The following DAB2 variants were observed in gnomAD, a reference collection of about 807,000 sequenced individuals.
The protein encoded by DAB2 is disabled homolog 2.
DAB2 carries 28 observed loss-of-function variants against 71.6 expected under a neutral mutation model. That is an observed-to-expected ratio of 0.39 (90% CI 0.29 to 0.54). The LOEUF is 0.54. Ranked by LOEUF, DAB2 falls within the 20% of genes least tolerant of loss-of-function variation. The probability of loss-of-function intolerance (pLI) is 0.68; values close to 1 mark genes in which losing one functional copy is unlikely to be tolerated. For missense variants in DAB2, 867 were observed against 928.8 expected (o/e 0.93, Z 0.86); for synonymous variants, 345 against 339.7 (o/e 1.02, Z -0.17).
At chr5:39,423,119 G>T (rs1721738858) in intron 1 of DAB2, among the ~76,000 whole-genome samples, 1 of 152,142 alleles carries the variant, frequency 6.6e-6, no homozygotes, top group South Asian at 2.1e-4. Flanking sequence ...AAAAATGACT[G>T]GTTTCTAGGT....
chr5:39,416,740 A>G (rs1755854329), intron 1 of DAB2, among the ~76,000 whole-genome samples: 1 of 152,016 alleles, frequency 6.6e-6, no homozygotes, highest in African/African-American at 2.4e-5. Context: ...ATGACCTATC[A>G]TTGCCCTCTG....
chr5:39,383,719 C>T (rs1561368119), intron 9 of DAB2, among the ~76,000 whole-genome samples: 1 of 152,206 alleles, frequency 6.6e-6, no homozygotes, highest in Non-Finnish European at 1.5e-5. Flanking sequence ...TACCTATACA[C>T]ATACAGTCCT....
intron 5 of DAB2, 99 bp downstream of exon 5, chr5:39,390,345 A>G (rs1482873887): frequency 7.8e-6 from 11 of 1,402,016 alleles, no homozygotes; most frequent in Non-Finnish European, 9.7e-6. Flanking sequence ...TAGCCCTCTT[A>G]CATCCAATTA....
chr5:39,377,463 T>G (rs1754861288), intron 11 of DAB2, among the ~76,000 whole-genome samples, 181 bp from the exon 12 acceptor site: 1 of 152,166 alleles, frequency 6.6e-6, no homozygotes, highest in Admixed American at 6.5e-5. Context: ...TAACACTGTA[T>G]AGTGAGCATT....
At chr5:39,393,422 G>T in intron 2 of DAB2, 29 bp from the exon 3 acceptor site, 1 of 1,612,012 alleles carries the variant, frequency 6.2e-7, no homozygotes, top group Non-Finnish European at 8.5e-7. Flanking sequence ...ACAGGATGAA[G>T]AATGCTAGTT....
chr5:39,395,954 T>TTTTTTTTTTTTTG (rs1755358747), intron 1 of DAB2, among the ~76,000 whole-genome samples: 1 of 133,504 alleles, frequency 7.5e-6, no homozygotes, highest in Non-Finnish European at 1.6e-5. Flanking sequence ...TTTTTTTTTT[T>TTTTTTTTTTTTTG]TTTTTTGAGA....
At chr5:39,410,655 T>C (rs1360321606) in intron 1 of DAB2, among the ~76,000 whole-genome samples, 1 of 152,172 alleles carries the variant, frequency 6.6e-6, no homozygotes, top group African/African-American at 2.4e-5. Flanking sequence ...ATTAGATCTA[T>C]GTGTGTATCT....
In DAB2 at chr5:39,382,811, T is replaced by A; in HGVS notation, c.1148A>T (p.Glu383Val). ...GACAGAGAAGCCGTTCTGTTCTCTTTCAGATACCCCATTTTGAGTTCTCAC... is the reference window on the plus strand; with the variant it reads ...GACAGAGAAGCCGTTCTGTTCTCTTACAGATACCCCATTTTGAGTTCTCAC... The part of the protein sequence containing the change: ...PAVRTQNGVS[E>V]REQNGFSVKS... Residue 383 changes from glutamate (E) to valine (V), a missense_variant, in exon 10 of 15, where the codon GAA becomes GTA. By Grantham distance (121) the Glu-to-Val change is moderately radical. Transcript: ENST00000320816. The A allele has an allele frequency of 3.1e-6, 5 of 1,614,154 alleles. No homozygotes were observed. The highest frequency in any genetic ancestry group is 3.4e-6 in the Non-Finnish European group (4 of 1,180,038).
rs746664703 is a variant in DAB2 at position 39,381,513 on chromosome 5, T to G, written c.1445A>C (p.Asn482Thr). 4 of 1,613,910 alleles carry G rather than the reference T, an allele frequency of 2.5e-6. No homozygotes were observed. In the East Asian group the frequency reaches 8.9e-5, roughly 36 times the overall value. ...ACTTGTTTTGAAGAGATCCAGAGGG[T>G]TGGGCTGCAGGGCTGTAGGTTGTCC... ...PTGQPTALQP[N>T]PLDLFKTSAP... Residue 482 changes from asparagine (N) to threonine (T), a missense_variant, in exon 11 of 15, where the codon AAC (asparagine) becomes ACC (threonine). Coordinates refer to ENST00000320816, the MANE Select transcript of DAB2 (RefSeq NM_001343.4).
Position 39,382,651 on chromosome 5 carries a change from A to G in DAB2, c.1308T>C (p.Ser436=), listed in dbSNP as rs750117483. 6.2e-7 allele frequency: 1 copy of G among 1,614,048 alleles called. No homozygotes were observed. The change falls in exon 10 of 15, where the codon AGT becomes AGC. Residue 436 remains serine (S), a synonymous_variant. Coordinates refer to ENST00000320816, the MANE Select transcript of DAB2 (RefSeq NM_001343.4). ...DSIAIIPPPQ[S]TKPGRGRRTA... ...TCCTTCTGCCTCTTCCTGGTTTGGT[A>G]CTTTGTGGAGGTGGGATAATGGCTA...
At chr5:39,420,635 T>C (rs868512597) in intron 1 of DAB2, among the ~76,000 whole-genome samples, 2 of 152,200 alleles carry the variant, frequency 1.3e-5, no homozygotes, top group Non-Finnish European at 2.9e-5. Context: ...TAGTAACTTT[T>C]AGGTTCCAGA....
Position 39,389,858 on chromosome 5 carries a change from C to G in DAB2, c.537G>C (p.Lys179Asn). The G allele has an allele frequency of 6.4e-7, 1 of 1,552,474 alleles. No individual in the cohort carries two copies. Among genetic ancestry groups the G allele is most frequent in the Non-Finnish European group, 8.8e-7 (1 of 1,134,634 alleles). ...IYNVKKKEEEKKKIEEASKAV... is the reference protein window; with the variant it reads ...IYNVKKKEEENKKIEEASKAV... ...TTAATCAGGTAGTACTTGCCTTTTT[C>G]TTTTCTTCTTCCTTTTTCTTTACAT... The change falls in exon 6 of 15, where the codon AAG (lysine) becomes AAC (asparagine). Residue 179 changes from lysine to asparagine, a missense_variant. Around this residue, in one of 2 missense-constraint regions of DAB2, gnomAD observed 740 missense variants for 734.3 expected, o/e 1.01. Coordinates refer to ENST00000320816, the MANE Select transcript of DAB2 (RefSeq NM_001343.4).
At chr5:39,420,638 G>T (rs1002203987) in intron 1 of DAB2, among the ~76,000 whole-genome samples, 2 of 152,136 alleles carry the variant, frequency 1.3e-5, no homozygotes, top group African/African-American at 4.8e-5. Context: ...TAACTTTTAG[G>T]TTCCAGAAAT....
intron 9 of DAB2, among the ~76,000 whole-genome samples, chr5:39,384,802 G>A (rs1466997147): frequency 6.6e-6 from 1 of 151,860 alleles, no homozygotes; most frequent in Non-Finnish European, 1.5e-5. Context: ...GCTACCCAGA[G>A]AAGAATATAA....
At position 39,382,680 on chromosome 5, in the gene DAB2, A is replaced by G; in HGVS notation, c.1279T>C (p.Ser427Pro). The change falls in exon 10 of 15, where the codon TCC becomes CCC. Residue 427 changes from serine (S) to proline (P), a missense_variant. Around this residue, in one of 2 missense-constraint regions of DAB2, gnomAD observed 740 missense variants for 734.3 expected, o/e 1.01. Coordinates refer to ENST00000320816, the MANE Select transcript of DAB2 (RefSeq NM_001343.4). The stretch of plus-strand genomic sequence containing the variant: ...TGTGGAGGTGGGATAATGGCTATGG[A>G]GTCATGTGGTGAGGACTGGACAGAG... ...ESSVQSSPHDSIAIIPPPQST... is the reference protein window; with the variant it reads ...ESSVQSSPHDPIAIIPPPQST... 1 of 1,614,094 alleles carries G rather than the reference A, an allele frequency of 6.2e-7. No homozygotes were observed. Among genetic ancestry groups the G allele is most frequent in the Non-Finnish European group, 8.5e-7 (1 of 1,180,000 alleles).
intron 1 of DAB2, among the ~76,000 whole-genome samples, chr5:39,415,981 A>G (rs1003944104): frequency 1.3e-5 from 2 of 152,156 alleles, no homozygotes; most frequent in Admixed American, 6.5e-5. Flanking sequence ...GTTCATGTTT[A>G]ATGAATGAGT....
chr5:39,422,118 A>G lies in DAB2; in HGVS notation c.-102+2686T>C, dbSNP rs150191073. Reference sequence around the variant, plus strand: ...CAAAAATCTGTTTCACCTAAATATGATTTTGGCCAACCTTTGTGCAATTCA... The same window carrying G: ...CAAAAATCTGTTTCACCTAAATATGGTTTTGGCCAACCTTTGTGCAATTCA... On this transcript the variant is annotated intron_variant, in intron 1 of 14. Transcript: ENST00000320816. This position sits in a 1 kb window ranked among gnomAD's most constrained non-coding sequence, Gnocchi z 4.1. Among the ~76,000 whole-genome samples, 393 of 152,202 alleles carry G rather than the reference A, an allele frequency of 2.6e-3. 1 individual carries two copies. Among genetic ancestry groups the G allele is most frequent in the African/African-American group, 8.9e-3 (369 of 41,516 alleles).
rs565968909 is a variant in DAB2, at chr5:39,372,792, A to G, written c.*639T>C. Reference sequence around the variant, plus strand: ...TGCAATAGCTAGCAAGAAATGGGAGAAAAGGACAATCTTGGCCTTGGGAGA... The same window carrying G: ...TGCAATAGCTAGCAAGAAATGGGAGGAAAGGACAATCTTGGCCTTGGGAGA... On this transcript the variant is annotated 3_prime_UTR_variant, in exon 15 of 15. Transcript: ENST00000320816. The G allele has an allele frequency of 1.3e-5, 2 of 152,254 alleles. No individual in the cohort carries two copies. The highest frequency in any genetic ancestry group is 2.4e-5 in the African/African-American group (1 of 41,560). 9.4% of individuals were successfully genotyped at this position (152,254 alleles called of 1,614,324 possible).
intron 6 of DAB2, 120 bp downstream of exon 6, chr5:39,389,732 G>T (rs555697786): frequency 3.4e-6 from 2 of 592,640 alleles, no homozygotes; most frequent in African/African-American, 2.0e-5. Flanking sequence ...GGCTGGTCTC[G>T]AACTCCTGAC....
Sources: allele counts gnomAD v4.1 joint callset (sites outside exome capture counted in the v4.1 genomes callset), GRCh38; gene constraint gnomAD v4.1.1; regional missense constraint gnomAD v4.1.1; non-coding constraint Gnocchi (gnomAD v3.1); transcripts MANE v1.5; gene names NCBI Gene and HGNC (gene_info 2026-07-23, HGNC 2026-07-21).